SH3PXD2A: variants seen among roughly 807,000 people sequenced by gnomAD.
The protein encoded by SH3PXD2A is SH3 and PX domain-containing protein 2A.
Under a neutral mutation model 115.2 loss-of-function variants are expected in SH3PXD2A, and 32 were observed. That is an observed-to-expected ratio of 0.28 (90% CI 0.21 to 0.37). The LOEUF is 0.37. Ranked by LOEUF, SH3PXD2A falls within the 10% of genes least tolerant of loss-of-function variation. The probability of loss-of-function intolerance (pLI) is 1.00; values close to 1 mark genes in which losing one functional copy is unlikely to be tolerated. For missense variants in SH3PXD2A, 1,328 were observed against 1,498.7 expected, an observed-to-expected ratio of 0.89 and a Z score of 1.88; for synonymous variants, 610 against 629.1, an observed-to-expected ratio of 0.97 and a Z score of 0.45.
Position 103,825,762 on chromosome 10 carries a change from A to ATTTT in SH3PXD2A, c.73-24404_73-24401dup, listed in dbSNP as rs370142036. Among the ~76,000 whole-genome samples the ATTTT allele has an allele frequency of 6.4e-4, 85 of 132,422 alleles. 1 individual carries two copies. Among genetic ancestry groups the ATTTT allele is most frequent in the African/African-American group, 1.5e-3 (53 of 34,710 alleles). The allele number at this position is 132,422 out of a possible 152,430, so 86.9% of individuals were successfully genotyped here. ...GGGTAAAACACAGCATCCGTAACAAATTTTTTTTTTTTTTTTTTTGAGACG... is the reference window on the plus strand; with the variant it reads ...GGGTAAAACACAGCATCCGTAACAAATTTTTTTTTTTTTTTTTTTTTTTGAGACG... On this transcript the variant is annotated intron_variant, in intron 1 of 14. Transcript: ENST00000369774.
At chr10:103,644,564 C>T (rs755102151) in intron 8 of SH3PXD2A, among the ~76,000 whole-genome samples, 27 of 134,990 alleles carry the variant, frequency 2.0e-4, no homozygotes, top group Non-Finnish European at 3.2e-4. Flanking sequence ...CTAGCCTGGG[C>T]GACAGAGTGA....
chr10:103,689,350 CA>C (rs2037719091), intron 6 of SH3PXD2A, among the ~76,000 whole-genome samples: 1 of 152,030 alleles, frequency 6.6e-6, no homozygotes, highest in Non-Finnish European at 1.5e-5. Context: ...CTCGAGTTGG[CA>C]GGTAAAAGAC....
chr10:103,750,776 G>T (rs561352025), intron 3 of SH3PXD2A, among the ~76,000 whole-genome samples: 1 of 146,968 alleles, frequency 6.8e-6, no homozygotes, highest in Admixed American at 6.7e-5. Flanking sequence ...TTGTTGAGGG[G>T]CACGGGCTTT....
intron 2 of SH3PXD2A, among the ~76,000 whole-genome samples, chr10:103,790,799 T>C (rs2039027934): frequency 6.6e-6 from 1 of 152,242 alleles, no homozygotes; most frequent in Non-Finnish European, 1.5e-5. Context: ...ATTAGTGATG[T>C]CTGCTGTAGG....
Position 103,622,521 on chromosome 10 carries a change from G to A in SH3PXD2A, c.751C>T (p.Leu251=). ...CCGCCCAGGGTCCACCGGCGATCCA[G>A]GCGCCGCAGATGGGCCTTGCGTCTC... ...SKRRKAHLRR[L]DRRWTLGGMV... Residue 251 remains leucine, a synonymous_variant, in exon 10 of 15, where the codon CTG becomes TTG. Transcript: ENST00000369774. 6.4e-7 allele frequency: 1 copy of A among 1,550,414 alleles called. No individual in the cohort carries two copies. Among genetic ancestry groups the A allele is most frequent in the Non-Finnish European group, 8.7e-7 (1 of 1,146,908 alleles).
chr10:103,613,046 C>T lies in SH3PXD2A; in HGVS notation c.1065G>A (p.Ala355=), dbSNP rs575569128. ...MEISNLLNKK[A]SGDKETPPAE... Reference sequence around the variant, plus strand: ...CTGGTGGAGTTTCCTTGTCCCCAGACGCCTTCTTGTTCAGCAGGTTGCTGA... The same window carrying T: ...CTGGTGGAGTTTCCTTGTCCCCAGATGCCTTCTTGTTCAGCAGGTTGCTGA... Residue 355 remains alanine (A), a synonymous_variant, in exon 12 of 15, where the codon GCG becomes GCA. Coordinates refer to ENST00000369774, the MANE Select transcript of SH3PXD2A (RefSeq NM_001394015.1). The T allele has an allele frequency of 3.0e-5, 49 of 1,614,264 alleles. No individual in the cohort carries two copies. In the South Asian group the frequency reaches 3.6e-4, roughly 12 times the overall value.
chr10:103,612,796 A>G, intron 12 of SH3PXD2A, 57 bp downstream of exon 12: 1 of 1,309,410 alleles, frequency 7.6e-7, no homozygotes, highest in Non-Finnish European at 1.0e-6. Context: ...CACGGCACCC[A>G]TGCCCATTCT....
intron 2 of SH3PXD2A, among the ~76,000 whole-genome samples, chr10:103,791,784 A>T (rs956291510): frequency 6.6e-6 from 1 of 152,036 alleles, no homozygotes; most frequent in South Asian, 2.1e-4. Flanking sequence ...GAGAAGTTGC[A>T]AACTCCATCT....
chr10:103,636,596 C>CA (rs1215079997), intron 8 of SH3PXD2A, among the ~76,000 whole-genome samples: 1 of 152,056 alleles, frequency 6.6e-6, no homozygotes, highest in African/African-American at 2.4e-5. Context: ...ACTCCCAGGC[C>CA]ACTGCTGTCC....
intron 2 of SH3PXD2A, among the ~76,000 whole-genome samples, chr10:103,781,481 C>A (rs1247252217): frequency 6.6e-6 from 1 of 152,198 alleles, no homozygotes; most frequent in Admixed American, 6.5e-5. Context: ...GGTCTGGGAC[C>A]TGTGCAGAAA....
Position 103,613,002 on chromosome 10 carries a change from T to G in SH3PXD2A, c.1109A>C (p.Glu370Ala), listed in dbSNP as rs1258602227. 1.2e-6 allele frequency: 2 copies of G among 1,614,228 alleles called. No homozygotes were observed. Among genetic ancestry groups the G allele is most frequent in the Non-Finnish European group, 1.7e-6 (2 of 1,180,018 alleles). The change falls in exon 12 of 15, where the codon GAG becomes GCG. Residue 370 changes from glutamate to alanine, a missense_variant. By Grantham distance (107) the Glu-to-Ala change is moderately radical. Around this residue, in one of 5 missense-constraint regions of SH3PXD2A, gnomAD observed 509 missense variants for 628.3 expected, o/e 0.81. Coordinates refer to ENST00000369774, the MANE Select transcript of SH3PXD2A (RefSeq NM_001394015.1). ...GATCTCCTTCTTGGCAATGGGGGCC[T>G]CATGGCCCTCGCCTTCGGCTGGTGG... ...ETPPAEGEGH[E>A]APIAKKEISL... is the part of the protein sequence containing the mutation.
At chr10:103,795,207 T>A (rs1391034327) in intron 2 of SH3PXD2A, among the ~76,000 whole-genome samples, 1 of 152,244 alleles carries the variant, frequency 6.6e-6, no homozygotes, top group African/African-American at 2.4e-5. Flanking sequence ...ATTTAATTTT[T>A]AAAATTTAAT....
intron 8 of SH3PXD2A, among the ~76,000 whole-genome samples, chr10:103,652,943 T>G (rs1177513718): frequency 1.3e-5 from 2 of 152,146 alleles, no homozygotes; most frequent in Admixed American, 1.3e-4. Context: ...TCTCTGCCCT[T>G]GCTCACTCCT....
chr10:103,645,292 C>T (rs1033581453), intron 8 of SH3PXD2A, among the ~76,000 whole-genome samples: 12 of 152,186 alleles, frequency 7.9e-5, no homozygotes, highest in South Asian at 2.1e-4. Context: ...GTCTTCCTGC[C>T]GGCCCCCGCA....
intron 2 of SH3PXD2A, among the ~76,000 whole-genome samples, chr10:103,799,825 G>C (rs937013594): frequency 4.6e-5 from 7 of 152,236 alleles, no homozygotes; most frequent in African/African-American, 1.7e-4. Context: ...GACATGAATT[G>C]AGGAGGGAAG....
intron 10 of SH3PXD2A, among the ~76,000 whole-genome samples, chr10:103,622,223 C>A (rs1174730205): frequency 1.3e-5 from 2 of 152,132 alleles, no homozygotes; most frequent in African/African-American, 4.8e-5. Flanking sequence ...TTTCAGGGAA[C>A]CCACAACTGT....
intron 13 of SH3PXD2A, chr10:103,608,469 T>A (rs1405522480): frequency 1.3e-5 from 2 of 150,624 alleles, no homozygotes; most frequent in Non-Finnish European, 3.0e-5. Flanking sequence ...GTGTTGGGAT[T>A]TAAATTAGAA....
chr10:103,676,183 G>A (rs2134094299), intron 6 of SH3PXD2A, among the ~76,000 whole-genome samples: 1 of 152,334 alleles, frequency 6.6e-6, no homozygotes, highest in South Asian at 2.1e-4. Context: ...GATCCTCCCT[G>A]GCCACTGGCC....
chr10:103,695,026 C>T (rs2037808096), intron 5 of SH3PXD2A, among the ~76,000 whole-genome samples: 1 of 152,112 alleles, frequency 6.6e-6, no homozygotes, highest in Admixed American at 6.5e-5. Context: ...TGTGTCCTGC[C>T]CAGAAGACTT....
Sources: allele counts gnomAD v4.1 joint callset (sites outside exome capture counted in the v4.1 genomes callset), GRCh38; gene constraint gnomAD v4.1.1; regional missense constraint gnomAD v4.1.1; transcripts MANE v1.5; gene names NCBI Gene and HGNC (gene_info 2026-07-23, HGNC 2026-07-21).